FAM174B: variants seen among roughly 807,000 people sequenced by gnomAD.
FAM174B encodes the protein family with sequence similarity 174 member B.
Under a neutral mutation model 10.9 loss-of-function variants are expected in FAM174B, and 12 were observed. The ratio of observed to expected loss-of-function variants is 1.10; its 90% CI spans 0.71 to 1.79. The LOEUF (loss-of-function observed/expected upper bound fraction) is 1.79. Among genes scored for constraint, FAM174B ranks in the 40% most tolerant of loss-of-function variants. FAM174B has a pLI of 0.00. For synonymous variants in FAM174B, 132 were observed against 115.8 expected, an observed-to-expected ratio of 1.14 and a Z score of -0.90; for missense variants, 266 against 233.3, an observed-to-expected ratio of 1.14 and a Z score of -0.91.
Position 92,632,584 on chromosome 15 carries a change from G to A in FAM174B, c.345-2239C>T, listed in dbSNP as rs145194802. ...GAGTGCAGTGGTGCAATCATAGCTC[G>A]CTGCAGCCTCAACCTCCTGGGCTTA... is the stretch of plus-strand genomic sequence containing the variant. On this transcript the variant is annotated intron_variant, in intron 1 of 2. Transcript: ENST00000327355. Among the ~76,000 whole-genome samples the A allele has an allele frequency of 3.8e-3, 573 of 152,232 alleles. 5 individuals carry two copies. The highest frequency in any genetic ancestry group is 0.013 in the African/African-American group (547 of 41,550).
intron 1 of FAM174B, among the ~76,000 whole-genome samples, chr15:92,638,417 A>G (rs2050869483): frequency 6.6e-6 from 1 of 152,174 alleles, no homozygotes; most frequent in South Asian, 2.1e-4. Flanking sequence ...CGTCCCACTT[A>G]TACAAACAAG....
At chr15:92,628,204 G>T (rs1373068018) in intron 2 of FAM174B, among the ~76,000 whole-genome samples, 2 of 150,388 alleles carry the variant, frequency 1.3e-5, no homozygotes, top group Non-Finnish European at 3.0e-5. Flanking sequence ...TTCCTCTGTT[G>T]CCCAGGCTGG....
intron 1 of FAM174B, among the ~76,000 whole-genome samples, chr15:92,653,615 G>T (rs545769894): frequency 8.1e-4 from 123 of 152,388 alleles, no homozygotes; most frequent in African/African-American, 2.9e-3. Flanking sequence ...GCAGAAGCCA[G>T]CATGGCATGG....
chr15:92,640,111 A>T (rs1486992849), intron 1 of FAM174B, among the ~76,000 whole-genome samples: 1 of 152,234 alleles, frequency 6.6e-6, no homozygotes, highest in Non-Finnish European at 1.5e-5. Context: ...CCCATATCTC[A>T]CACTTTGTAT....
Position 92,619,018 on chromosome 15 carries a change from C to CTCGGAGGTCACCGTAT in FAM174B, c.*437_*438insATACGGTGACCTCCGA. ...ATCAGATGGGGTCCAATGTGTAGAT[C>CTCGGAGGTCACCGTAT]CAGTAGAGAAGAATGTCGGAAATTC... On this transcript the variant is annotated 3_prime_UTR_variant, in exon 3 of 3. Transcript: ENST00000327355. 1.7e-6 allele frequency: 1 copy of CTCGGAGGTCACCGTAT among 595,250 alleles called. No homozygotes were observed. Among genetic ancestry groups the CTCGGAGGTCACCGTAT allele is most frequent in the Admixed American group, 2.9e-5 (1 of 34,208 alleles). 36.9% of individuals were successfully genotyped at this position (595,250 alleles called of 1,614,324 possible).
intron 1 of FAM174B, among the ~76,000 whole-genome samples, chr15:92,646,422 T>C (rs2050927938): frequency 6.6e-6 from 1 of 152,216 alleles, no homozygotes; most frequent in African/African-American, 2.4e-5. Context: ...GCCTTGGTTT[T>C]CTCATCTGTG....
intron 2 of FAM174B, among the ~76,000 whole-genome samples, chr15:92,622,485 T>C (rs1488077922): frequency 6.6e-6 from 1 of 152,162 alleles, no homozygotes; most frequent in Non-Finnish European, 1.5e-5. Context: ...CCAGGGACAG[T>C]GGAGGGGACA....
chr15:92,628,486 A>G (rs940099008), intron 2 of FAM174B, among the ~76,000 whole-genome samples: 1 of 151,688 alleles, frequency 6.6e-6, no homozygotes, highest in Non-Finnish European at 1.5e-5. Flanking sequence ...GAGCCCAGAC[A>G]TTTTCAATTT....
rs142853438 is a variant in FAM174B, at chr15:92,645,995, T to C, written c.344+9321A>G. Among the ~76,000 whole-genome samples, 377 of 152,098 alleles carry C rather than the reference T, an allele frequency of 2.5e-3. 2 individuals carry two copies. Among genetic ancestry groups the C allele is most frequent in the African/African-American group, 8.2e-3 (342 of 41,486 alleles). ...CTTCTTCCTCACCAAACCTATCCCT[T>C]TCCCTGCCTGGTCACCCCCTTCACA... is the stretch of plus-strand genomic sequence containing the variant. On this transcript the variant is annotated intron_variant, in intron 1 of 2. Coordinates refer to ENST00000327355, the MANE Select transcript of FAM174B (RefSeq NM_207446.3).
rs60865026 is a variant in FAM174B, at chr15:92,640,551, CAAAAAAAAAAAAAAAA to C, written c.345-10222_345-10207del. ...TGGATGACAAAGTGAGACTCCATCT[CAAAAAAAAAAAAAAAA>C]AAAAAAAAAAAAAAAAGTCAAAGGA... On this transcript the variant is annotated intron_variant, in intron 1 of 2. Transcript: ENST00000327355. Among the ~76,000 whole-genome samples, 14 of 67,718 alleles carry C rather than the reference CAAAAAAAAAAAAAAAA, an allele frequency of 2.1e-4. No individual in the cohort carries two copies. The East Asian group carries it at 6.0e-3, about 29-fold the overall frequency. 44.4% of individuals were successfully genotyped at this position (67,718 alleles called of 152,430 possible).
chr15:92,649,613 A>C (rs2050951293), intron 1 of FAM174B, among the ~76,000 whole-genome samples: 1 of 152,236 alleles, frequency 6.6e-6, no homozygotes. Flanking sequence ...TACTCTAATT[A>C]ATGATGAGAA....
chr15:92,640,564 A>C (rs2050884489), intron 1 of FAM174B, among the ~76,000 whole-genome samples: 1 of 139,456 alleles, frequency 7.2e-6, no homozygotes, highest in Middle Eastern at 3.2e-3. Context: ...AAAAAAAAAA[A>C]AAAAAAAAAA....
In FAM174B at chr15:92,627,355, C is replaced by T. The variant is rs144026023; in HGVS notation, c.476+2859G>A. 56 of 170,912 alleles carry T rather than the reference C, an allele frequency of 3.3e-4. No individual in the cohort carries two copies. The East Asian group carries it at 7.2e-3, about 22-fold the overall frequency. The allele number at this position is 170,912 out of a possible 1,614,324, so 10.6% of individuals were successfully genotyped here. On this transcript the variant is annotated intron_variant, in intron 2 of 2. Coordinates refer to ENST00000327355, the MANE Select transcript of FAM174B (RefSeq NM_207446.3). The stretch of plus-strand genomic sequence containing the variant: ...ATGCCAATATGGCAGTCATTGTCAG[C>T]CTAGAAAAGGAACTCGCTCCATTAT...
At chr15:92,630,372 G>C (rs2050784155) in intron 1 of FAM174B, 27 bp from the exon 2 acceptor site, 1 of 1,589,436 alleles carries the variant, frequency 6.3e-7, no homozygotes, top group African/African-American at 1.3e-5. Flanking sequence ...ACATTCATGA[G>C]AACACAGCTG....
intron 2 of FAM174B, among the ~76,000 whole-genome samples, chr15:92,622,176 G>A (rs1237189792): frequency 1.3e-5 from 2 of 152,206 alleles, no homozygotes; most frequent in African/African-American, 4.8e-5. Flanking sequence ...TGAATCTTAC[G>A]GGGATCCCCT....
At chr15:92,652,750 T>C (rs1468670660) in intron 1 of FAM174B, among the ~76,000 whole-genome samples, 1 of 152,100 alleles carries the variant, frequency 6.6e-6, no homozygotes, top group East Asian at 1.9e-4. Flanking sequence ...GACAGTCTCT[T>C]GGAGACTCAG....
chr15:92,632,781 C>G (rs1003093657), intron 1 of FAM174B, among the ~76,000 whole-genome samples: 1 of 152,092 alleles, frequency 6.6e-6, no homozygotes, highest in African/African-American at 2.4e-5. Flanking sequence ...CTCAGCCTCT[C>G]AGAATACTGG....
Position 92,631,413 on chromosome 15 carries a change from AATATATAATATATAATATAAT to A in FAM174B, c.345-1089_345-1069del, listed in dbSNP as rs1194700455. ...TTATATATTATATTATATTATATAT[AATATATAATATATAATATAAT>A]ATATTATATATATAACATAATATAT... On this transcript the variant is annotated intron_variant, in intron 1 of 2. Transcript: ENST00000327355. 2.0e-3 allele frequency among the ~76,000 whole-genome samples: 81 copies of A among 41,408 alleles called. 3 individuals carry two copies. Among genetic ancestry groups the A allele is most frequent in the Non-Finnish European group, 2.4e-3 (61 of 24,986 alleles). 27.2% of individuals were successfully genotyped at this position (41,408 alleles called of 152,430 possible).
Position 92,619,224 on chromosome 15 carries a change from G to A in FAM174B, c.*232C>T, listed in dbSNP as rs2050701837. On this transcript the variant is annotated 3_prime_UTR_variant, in exon 3 of 3. Coordinates refer to ENST00000327355, the MANE Select transcript of FAM174B (RefSeq NM_207446.3). ...GAGTAGAAGTAGGGGGCACTTTAAA[G>A]GGATGCCCAAAGGGTGGCAGAAGCA... 1.4e-6 allele frequency: 1 copy of A among 704,452 alleles called. No individual in the cohort carries two copies. 43.6% of individuals were successfully genotyped at this position (704,452 alleles called of 1,614,324 possible).
Sources: gnomAD v4.1 joint callset for allele counts (sites outside exome capture counted in the v4.1 genomes callset) on GRCh38, gnomAD v4.1.1 for gene constraint, MANE v1.5 for transcripts, NCBI Gene and HGNC (gene_info 2026-07-23, HGNC 2026-07-21) for gene names.